TIAM2: variants seen among roughly 807,000 people sequenced by gnomAD.
TIAM2 encodes the protein TIAM Rac1 associated GEF 2, also known as rho guanine nucleotide exchange factor TIAM2.
TIAM2 carries 80 observed loss-of-function variants against 152.9 expected under a neutral mutation model. The observed-to-expected ratio is 0.52, with a 90% CI of 0.44 to 0.63. TIAM2 has a LOEUF of 0.63. TIAM2 is among the 30% of genes least tolerant of loss of function. The pLI, the probability that TIAM2 is intolerant of heterozygous loss-of-function variation, is 0.00. For synonymous variants in TIAM2, 804 were observed against 838.0 expected, an observed-to-expected ratio of 0.96 and a Z score of 0.70; for missense variants, 1,965 against 2,120.1, an observed-to-expected ratio of 0.93 and a Z score of 1.44.
At chr6:155,145,574 G>C (rs1431256150) in intron 6 of TIAM2, among the ~76,000 whole-genome samples, 1 of 152,128 alleles carries the variant, frequency 6.6e-6, no homozygotes, top group Non-Finnish European at 1.5e-5. Flanking sequence ...GAGAGTGAGA[G>C]CTGGGAAGTG....
chr6:155,032,731 G>A (rs897622896), intron 1 of TIAM2, among the ~76,000 whole-genome samples: 2 of 152,034 alleles, frequency 1.3e-5, no homozygotes, highest in Non-Finnish European at 2.9e-5. Context: ...TAGTAGAGAC[G>A]GGTTTCGCCA....
intron 3 of TIAM2, among the ~76,000 whole-genome samples, chr6:155,128,549 T>C (rs1779352785): frequency 6.6e-6 from 1 of 152,196 alleles, no homozygotes; most frequent in African/African-American, 2.4e-5. Flanking sequence ...ATACTTTCCC[T>C]AATTTTTCTC....
intron 4 of TIAM2, among the ~76,000 whole-genome samples, chr6:155,134,149 T>TTG (rs141378887): frequency 0.61 from 91,471 of 150,236 alleles, 28,514 homozygotes; most frequent in Admixed American, 0.72. Flanking sequence ...ATCGTATGAT[T>TTG]TGTGTGTGTG....
chr6:155,192,507 A>G (rs1441732868), intron 14 of TIAM2, among the ~76,000 whole-genome samples: 5 of 152,300 alleles, frequency 3.3e-5, no homozygotes, highest in African/African-American at 4.8e-5. Flanking sequence ...GGCCACATCT[A>G]TATCTATTGA....
Position 155,125,667 on chromosome 6 carries a change from T to C in TIAM2, c.-117-1823T>C, listed in dbSNP as rs561242115. 2.6e-4 allele frequency among the ~76,000 whole-genome samples: 40 copies of C among 152,172 alleles called. 1 individual carries two copies. In the South Asian group the frequency reaches 8.1e-3, roughly 31 times the overall value. On this transcript the variant is annotated intron_variant, in intron 2 of 26. Transcript: ENST00000682666. ...CAGCCTGGCCAACACGGTGAAGCCC[T>C]GTCTCTACTAAAATCAGAAAAATTA...
intron 7 of TIAM2, among the ~76,000 whole-genome samples, chr6:155,153,724 C>A (rs1310604135): frequency 6.8e-6 from 1 of 146,838 alleles, no homozygotes; most frequent in African/African-American, 2.5e-5. Context: ...TGGATTCAAG[C>A]AATTCTCCTG....
intron 1 of TIAM2, among the ~76,000 whole-genome samples, chr6:155,057,014 TTTC>T (rs1318483959): frequency 8.1e-5 from 11 of 135,158 alleles, no homozygotes; most frequent in African/African-American, 1.7e-4. Context: ...CTCAGTTTTC[TTTC>T]TTTTTTTTTT....
At chr6:155,086,043 T>C (rs982425545) in intron 1 of TIAM2, among the ~76,000 whole-genome samples, 6 of 152,234 alleles carry the variant, frequency 3.9e-5, no homozygotes, top group African/African-American at 1.4e-4. Flanking sequence ...GGACTTTCCC[T>C]GGCAGCGAAG....
rs1227009778 is a variant in TIAM2, at chr6:155,256,677, G to C, written c.4662G>C (p.Leu1554Phe). The C allele has an allele frequency of 3.1e-6, 5 of 1,614,070 alleles. No homozygotes were observed. The African/African-American group carries it at 5.3e-5, about 17-fold the overall frequency. ...CCGGGAAATACCCACACCCCGGCTT[G>C]GCAGATTTTGCCGACAATCTCATCA... ...TSPGKYPHPG[L>F]ADFADNLIKE... Residue 1554 changes from leucine to phenylalanine, a missense_variant, in exon 27 of 27, where the codon TTG (leucine) becomes TTC (phenylalanine). This residue lies in a region of TIAM2 where 935 missense variants were observed against 980.0 expected (regional missense o/e 0.95). Coordinates refer to ENST00000682666, the MANE Select transcript of TIAM2 (RefSeq NM_012454.4).
At chr6:155,190,246 C>T (rs1480331101) in intron 14 of TIAM2, among the ~76,000 whole-genome samples, 2 of 152,216 alleles carry the variant, frequency 1.3e-5, no homozygotes, top group Non-Finnish European at 2.9e-5. Context: ...CTGATCCCAC[C>T]ACTCTAGCTT....
chr6:155,148,732 G>T (rs1779876705), intron 7 of TIAM2, among the ~76,000 whole-genome samples: 1 of 152,132 alleles, frequency 6.6e-6, no homozygotes, highest in African/African-American at 2.4e-5. Context: ...GTGGTTTGGT[G>T]TAACAGCTGT....
chr6:155,152,713 G>A (rs1562334003), intron 7 of TIAM2, among the ~76,000 whole-genome samples: 1 of 152,116 alleles, frequency 6.6e-6, no homozygotes, highest in Non-Finnish European at 1.5e-5. Flanking sequence ...TGCCCAGCTT[G>A]GAGTTTTCAG....
rs924381802 is a variant in TIAM2 at position 155,172,125 on chromosome 6, T to A, written c.2362-4691T>A. Among the ~76,000 whole-genome samples the A allele has an allele frequency of 3.9e-5, 6 of 152,274 alleles. No homozygotes were observed. In the East Asian group the frequency reaches 1.2e-3, roughly 29 times the overall value. On this transcript the variant is annotated intron_variant, in intron 9 of 26. Transcript: ENST00000682666. The stretch of plus-strand genomic sequence containing the variant: ...ACCATTGATGTAATAATAATAATAA[T>A]AAATACTTCTGTGGAATGCCCTCCA...
intron 2 of TIAM2, among the ~76,000 whole-genome samples, chr6:155,094,873 G>A (rs752575932): frequency 5.9e-5 from 9 of 151,628 alleles, no homozygotes; most frequent in Admixed American, 3.3e-4. Context: ...ATGAGCCACC[G>A]TGCCTGGCTT....
chr6:155,043,180 CTG>C (rs1777085748), intron 1 of TIAM2, among the ~76,000 whole-genome samples: 1 of 152,318 alleles, frequency 6.6e-6, no homozygotes, highest in Middle Eastern at 3.4e-3. Context: ...ATTCTGCTGA[CTG>C]TGCACTCACC....
chr6:155,256,019 A>AAGAG (rs147053141), intron 26 of TIAM2: 1 of 145,188 alleles, frequency 6.9e-6, no homozygotes, highest in Non-Finnish European at 1.3e-5. Context: ...TTAAAAAAAA[A>AAGAG]GGGGGGGGGA....
rs201013195 is a variant in TIAM2, at chr6:155,240,599, C to T, written c.3238C>T (p.Arg1080Trp). The T allele has an allele frequency of 4.8e-5, 78 of 1,614,122 alleles. No individual in the cohort carries two copies. Among genetic ancestry groups the T allele is most frequent in the East Asian group, 3.1e-4 (14 of 44,872 alleles). ...DSQANGMEGPRENQDPPPRSL... is the reference protein window; with the variant it reads ...DSQANGMEGPWENQDPPPRSL... ...TCAGGCCAACGGCATGGAAGGACCG[C>T]GGGAGAATCAGGATCCTCCTCCGAG... Residue 1080 changes from arginine to tryptophan, a missense_variant, in exon 16 of 27, where the codon CGG becomes TGG. Around this residue, in one of 3 missense-constraint regions of TIAM2, gnomAD observed 935 missense variants for 980.0 expected, o/e 0.95. Coordinates refer to ENST00000682666, the MANE Select transcript of TIAM2 (RefSeq NM_012454.4).
Position 155,176,990 on chromosome 6 carries a change from G to A in TIAM2, c.2523+13G>A. ...TTTGGCATGCAAGGTAACGGATTTTGCTGCAGAAATATATTTCTGAATAGA... is the reference window on the plus strand; with the variant it reads ...TTTGGCATGCAAGGTAACGGATTTTACTGCAGAAATATATTTCTGAATAGA... On this transcript the variant is annotated intron_variant, in intron 10 of 26. Transcript: ENST00000682666. 3 of 1,598,792 alleles carry A rather than the reference G, an allele frequency of 1.9e-6. No homozygotes were observed. The highest frequency in any genetic ancestry group is 2.3e-5 in the South Asian group (2 of 88,770).
chr6:155,057,540 A>ATTT, intron 1 of TIAM2, among the ~76,000 whole-genome samples: 1 of 68,738 alleles, frequency 1.5e-5, no homozygotes, highest in Non-Finnish European at 3.0e-5. Flanking sequence ...TCCATAATGT[A>ATTT]CTTTTTTTTT....
Sources: gnomAD v4.1 joint callset for allele counts (sites outside exome capture counted in the v4.1 genomes callset) on GRCh38, gnomAD v4.1.1 for gene constraint, gnomAD v4.1.1 regional missense constraint, MANE v1.5 for transcripts, NCBI Gene and HGNC (gene_info 2026-07-23, HGNC 2026-07-21) for gene names.